C11orf65: variants seen among roughly 807,000 people sequenced by gnomAD.
The protein encoded by C11orf65 is chromosome 11 open reading frame 65, also known as protein MFI.
A neutral mutation model predicts 35.3 loss-of-function variants in C11orf65; 38 were observed. The observed-to-expected ratio is 1.08, with a 90% CI of 0.83 to 1.41. The LOEUF is 1.41. Among genes scored for constraint, C11orf65 ranks in the 40% most tolerant of loss-of-function variants. The probability of loss-of-function intolerance (pLI) is 0.00; values close to 1 mark genes in which losing one functional copy is unlikely to be tolerated. For synonymous variants in C11orf65, 105 were observed against 114.4 expected, an observed-to-expected ratio of 0.92 and a Z score of 0.53; for missense variants, 370 against 367.1, an observed-to-expected ratio of 1.01 and a Z score of -0.06.
intron 2 of C11orf65, among the ~76,000 whole-genome samples, chr11:108,337,860 A>G (rs1466999576): frequency 2.0e-5 from 3 of 152,222 alleles, no homozygotes; most frequent in Non-Finnish European, 4.4e-5. Context: ...CACCTCCTGA[A>G]CTCTCAGAAA....
intron 2 of C11orf65, among the ~76,000 whole-genome samples, chr11:108,439,943 C>T (rs896749340): frequency 1.3e-5 from 2 of 151,992 alleles, no homozygotes; most frequent in South Asian, 2.1e-4. Context: ...CACCTAAAAA[C>T]GGTTAAACTG....
In C11orf65 at chr11:108,362,700, C is replaced by G. The variant is rs936903249; in HGVS notation, c.227-27408G>C. ...CATTCTCAGTAAACTATCGCAAGAA[C>G]AAAAAACCAAACACCGCATATTCTC... On this transcript the variant is annotated intron_variant, in intron 2 of 3. Transcript: ENST00000524755. 7.0e-5 allele frequency among the ~76,000 whole-genome samples: 10 copies of G among 143,058 alleles called. 1 individual carries two copies. In the South Asian group the frequency reaches 1.4e-3, roughly 20 times the overall value. 93.9% of individuals were successfully genotyped at this position (143,058 alleles called of 152,430 possible).
In C11orf65 at chr11:108,325,551, A is replaced by G. The variant is rs2136319577; in HGVS notation, c.641-16480T>C. ...AACTTTCAAGAACACTCAGGTAAATACAATTTAAAACTATGTCATCTTACC... is the reference window on the plus strand; with the variant it reads ...AACTTTCAAGAACACTCAGGTAAATGCAATTTAAAACTATGTCATCTTACC... On this transcript the variant is annotated intron_variant, in intron 6 of 6. Coordinates refer to the C11orf65 transcript ENST00000525729. 1 of 1,577,760 alleles carries G rather than the reference A, an allele frequency of 6.3e-7. No homozygotes were observed. Among genetic ancestry groups the G allele is most frequent in the Non-Finnish European group, 8.7e-7 (1 of 1,151,064 alleles).
chr11:108,345,397 A>G (rs1321871198), intron 2 of C11orf65, among the ~76,000 whole-genome samples: 1 of 152,142 alleles, frequency 6.6e-6, no homozygotes, highest in Non-Finnish European at 1.5e-5. Flanking sequence ...CCTGTTTTCT[A>G]TTGCAACCCA....
At chr11:108,357,686 C>A (rs1203777809) in intron 2 of C11orf65, among the ~76,000 whole-genome samples, 1 of 152,196 alleles carries the variant, frequency 6.6e-6, no homozygotes, top group Non-Finnish European at 1.5e-5. Context: ...CAGGGGCACA[C>A]TGACACCTCA....
At chr11:108,369,034 G>A (rs1031665809) in intron 2 of C11orf65, 1 of 177,990 alleles carries the variant, frequency 5.6e-6, no homozygotes, top group Non-Finnish European at 1.2e-5. Flanking sequence ...TAGTACTATT[G>A]AATGTATTAC....
At chr11:108,378,970 G>T (rs1393298495), downstream of C11orf65, among the ~76,000 whole-genome samples, 2 of 152,108 alleles carry the variant, frequency 1.3e-5, no homozygotes, top group Non-Finnish European at 2.9e-5. Context: ...TAAAAAGTCA[G>T]GAAACAACAG....
intron 2 of C11orf65, among the ~76,000 whole-genome samples, chr11:108,452,409 T>A (rs1034280580): frequency 1.3e-5 from 2 of 152,166 alleles, no homozygotes; most frequent in Non-Finnish European, 2.9e-5. Context: ...ATGCTCATCA[T>A]CACTGGCCAT....
downstream of C11orf65, among the ~76,000 whole-genome samples, chr11:108,329,687 A>G (rs148736656): frequency 0.021 from 3,274 of 152,336 alleles, 88 homozygotes; most frequent in African/African-American, 0.067. Context: ...CTGGGATTAC[A>G]GGTGTGAGGC....
chr11:108,385,086 T>A (rs2091958271), intron 8 of C11orf65, among the ~76,000 whole-genome samples: 1 of 152,160 alleles, frequency 6.6e-6, no homozygotes, highest in Non-Finnish European at 1.5e-5. Flanking sequence ...ACTAAAACTA[T>A]AAGTAACTTT....
rs1159291878 is a variant in C11orf65 at position 108,321,201 on chromosome 11, C to T, written c.641-12130G>A. 1.1e-5 allele frequency: 16 copies of T among 1,487,238 alleles called. 1 individual carries two copies. In the Admixed American group the frequency reaches 2.9e-4, roughly 27 times the overall value. The allele number at this position is 1,487,238 out of a possible 1,614,324, so 92.1% of individuals were successfully genotyped here. A position where few individuals can be genotyped will look rare whatever the true frequency, so the allele number is the denominator to read the frequency against. ...CTTGTTAGTATTATTAGATCAGTAG[C>T]AAAGCCTATGATGAGAACTCTTTAA... On this transcript the variant is annotated intron_variant, in intron 6 of 6. Transcript: ENST00000525729.
intron 2 of C11orf65, among the ~76,000 whole-genome samples, chr11:108,369,390 G>C (rs2091481409): frequency 6.6e-6 from 1 of 152,176 alleles, no homozygotes; most frequent in Non-Finnish European, 1.5e-5. Flanking sequence ...AAGTGATCTA[G>C]TTGACATTTC....
chr11:108,447,959 C>T (rs2093288393), intron 2 of C11orf65, among the ~76,000 whole-genome samples: 1 of 152,126 alleles, frequency 6.6e-6, no homozygotes, highest in Admixed American at 6.5e-5. Flanking sequence ...GATATCACCA[C>T]CAATCCCACA....
intron 3 of C11orf65, among the ~76,000 whole-genome samples, chr11:108,417,474 T>TG (rs1361893245): frequency 1.2e-4 from 18 of 150,648 alleles, no homozygotes; most frequent in African/African-American, 4.4e-4. Flanking sequence ...ACCCGGGAGG[T>TG]GGAGGTTGCA....
chr11:108,354,205 G>A (rs937283640), intron 2 of C11orf65, among the ~76,000 whole-genome samples: 2 of 151,872 alleles, frequency 1.3e-5, no homozygotes, highest in Non-Finnish European at 2.9e-5. Flanking sequence ...AGCAATAATA[G>A]TTCCTCTTCC....
intron 2 of C11orf65, among the ~76,000 whole-genome samples, chr11:108,339,356 C>T (rs1359304031): frequency 6.6e-6 from 1 of 152,088 alleles, no homozygotes; most frequent in Non-Finnish European, 1.5e-5. Context: ...ATTTTTATTC[C>T]TTGTCATGCA....
At chr11:108,327,685 G>C (rs1305313302), downstream of C11orf65, 1 of 1,614,004 alleles carries the variant, frequency 6.2e-7, no homozygotes, top group Non-Finnish European at 8.5e-7. Context: ...GAATGTCTGA[G>C]GGTTTGTGGC....
chr11:108,323,667 A>G (rs946009526), intron 6 of C11orf65, among the ~76,000 whole-genome samples: 5 of 152,218 alleles, frequency 3.3e-5, no homozygotes, highest in African/African-American at 9.6e-5. Flanking sequence ...TACCTCATAA[A>G]TATGTACAAC....
downstream of C11orf65, chr11:108,327,606 T>TAATGCATTATATTTTAAG (rs1465795743): frequency 6.7e-7 from 1 of 1,491,914 alleles, no homozygotes; most frequent in Admixed American, 1.7e-5. Flanking sequence ...ACAGTCATGG[T>TAATGCATTATATTTTAAG]AATGCATTAT....
Sources: allele counts gnomAD v4.1 joint callset (sites outside exome capture counted in the v4.1 genomes callset), GRCh38; gene constraint gnomAD v4.1.1; transcripts MANE v1.5; gene names NCBI Gene and HGNC (gene_info 2026-07-23, HGNC 2026-07-21).